The following NUP93 variants were observed in gnomAD, a reference collection of about 807,000 sequenced individuals.
NUP93 encodes the protein nuclear pore complex protein Nup93.
NUP93 carries 55 observed loss-of-function variants against 107.8 expected under a neutral mutation model. The ratio of observed to expected loss-of-function variants is 0.51; its 90% CI spans 0.41 to 0.64. The LOEUF (loss-of-function observed/expected upper bound fraction) is 0.64. Ranked by LOEUF, NUP93 falls within the 30% of genes least tolerant of loss-of-function variation. The pLI is 0.00. For missense variants in NUP93, 937 were observed against 1,044.7 expected (o/e 0.90, Z 1.42); for synonymous variants, 390 against 397.5 (o/e 0.98, Z 0.22).
intron 3 of NUP93, among the ~76,000 whole-genome samples, chr16:56,785,986 A>G (rs1955234125): frequency 6.6e-6 from 1 of 152,226 alleles, no homozygotes; most frequent in African/African-American, 2.4e-5. Context: ...GAATTTTTAG[A>G]AAACAAAAGA....
rs199675794 is a variant in NUP93 at position 56,823,985 on chromosome 16, A to G, written c.794+139A>G. ...TTATGTTAAATTGAACAAGGTTCAG[A>G]GTTGTAATCCTGTTTCAGAAATCCT... is the stretch of plus-strand genomic sequence containing the variant. On this transcript the variant is annotated intron_variant, in intron 8 of 21. Transcript: ENST00000308159. The G allele has an allele frequency of 4.1e-5, 47 of 1,132,988 alleles. No individual in the cohort carries two copies. The East Asian group carries it at 1.2e-3, about 28-fold the overall frequency. The allele number at this position is 1,132,988 out of a possible 1,614,324, so 70.2% of individuals were successfully genotyped here.
chr16:56,781,393 T>C (rs538065242), intron 3 of NUP93, among the ~76,000 whole-genome samples: 1 of 152,334 alleles, frequency 6.6e-6, no homozygotes, highest in South Asian at 2.1e-4. Flanking sequence ...GACAGTACAA[T>C]TGACAAGGGC....
chr16:56,782,044 C>T, intron 3 of NUP93: 5 of 985,046 alleles, frequency 5.1e-6, no homozygotes, highest in Non-Finnish European at 6.0e-6. Flanking sequence ...CTCTCTTTTT[C>T]TCTTCTCTCT....
chr16:56,793,850 C>A (rs879723086), intron 3 of NUP93, among the ~76,000 whole-genome samples: 1 of 151,970 alleles, frequency 6.6e-6, no homozygotes, highest in Non-Finnish European at 1.5e-5. Flanking sequence ...GTCAGGAGTT[C>A]GCGACCAGCC....
chr16:56,738,016 A>G (rs1179577621), intron 1 of NUP93, among the ~76,000 whole-genome samples: 1 of 152,254 alleles, frequency 6.6e-6, no homozygotes, highest in East Asian at 1.9e-4. Context: ...TAGTTGTAAG[A>G]CAGAACTAGT....
chr16:56,811,875 A>G (rs1238009360), intron 5 of NUP93, among the ~76,000 whole-genome samples: 1 of 152,188 alleles, frequency 6.6e-6, no homozygotes, highest in Non-Finnish European at 1.5e-5. Flanking sequence ...ATATTCTAGC[A>G]TTCTTTGTGC....
At chr16:56,771,902 C>G (rs1415950562) in intron 3 of NUP93, among the ~76,000 whole-genome samples, 1 of 152,152 alleles carries the variant, frequency 6.6e-6, no homozygotes, top group Non-Finnish European at 1.5e-5. Context: ...GAAGGAATGT[C>G]AGGGGTTTTA....
At chr16:56,808,780 ATATATAAATATG>A (rs1482429830) in intron 5 of NUP93, among the ~76,000 whole-genome samples, 1 of 145,312 alleles carries the variant, frequency 6.9e-6, no homozygotes, top group African/African-American at 2.5e-5. Flanking sequence ...ATATAAATAC[ATATATAAATATG>A]TATATAAATA....
intron 5 of NUP93, among the ~76,000 whole-genome samples, chr16:56,815,981 G>T (rs984272869): frequency 1.3e-5 from 2 of 151,736 alleles, no homozygotes; most frequent in African/African-American, 4.8e-5. Flanking sequence ...GTTCTGTGAT[G>T]AATGTTTTTG....
At chr16:56,811,581 G>A (rs747720802) in intron 5 of NUP93, among the ~76,000 whole-genome samples, 3 of 151,514 alleles carry the variant, frequency 2.0e-5, no homozygotes, top group East Asian at 3.9e-4. Context: ...CGTGATTCTC[G>A]TGCCTCAGCC....
intron 1 of NUP93, among the ~76,000 whole-genome samples, chr16:56,735,153 A>C (rs1961591687): frequency 6.6e-6 from 1 of 152,236 alleles, no homozygotes; most frequent in African/African-American, 2.4e-5. Context: ...GTATTGAGGA[A>C]GACCATTTGG....
chr16:56,821,496 C>A lies in NUP93; in HGVS notation c.565-8C>A, dbSNP rs774959352. The A allele has an allele frequency of 1.3e-6, 2 of 1,581,612 alleles. No individual in the cohort carries two copies. The highest frequency in any genetic ancestry group is 2.7e-5 in the African/African-American group (2 of 74,166). Reference sequence around the variant, plus strand: ...CTTTGCCATTTACTTTGCTTTTTATCATTTCAGATTTATATCTATAATGAG... The same window carrying A: ...CTTTGCCATTTACTTTGCTTTTTATAATTTCAGATTTATATCTATAATGAG... On this transcript the variant is annotated splice_polypyrimidine_tract_variant and splice_region_variant and intron_variant, in intron 6 of 21. Transcript: ENST00000308159.
chr16:56,817,698 G>A (rs1475714414), intron 5 of NUP93, among the ~76,000 whole-genome samples: 2 of 152,076 alleles, frequency 1.3e-5, no homozygotes, highest in African/African-American at 4.8e-5. Flanking sequence ...ATATGTGATG[G>A]TGGCTGGCTT....
At chr16:56,837,136 G>A (rs542801223) in intron 17 of NUP93, among the ~76,000 whole-genome samples, 4 of 152,340 alleles carry the variant, frequency 2.6e-5, no homozygotes, top group East Asian at 1.9e-4. Context: ...TTAGCTGGGC[G>A]TTTTGAGAGG....
chr16:56,739,565 G>A (rs1341122533), intron 1 of NUP93, among the ~76,000 whole-genome samples: 161 of 61,596 alleles, frequency 2.6e-3, no homozygotes, highest in East Asian at 4.4e-3. Flanking sequence ...GCGGCTGGCC[G>A]GGCGGGGGGC....
At chr16:56,818,794 G>A in intron 6 of NUP93, 56 bp downstream of exon 6, 1 of 1,431,872 alleles carries the variant, frequency 7.0e-7, no homozygotes, top group South Asian at 1.2e-5. Context: ...AACCTCTAGG[G>A]AGTAAAAGGA....
At chr16:56,753,120 C>A (rs1961954402) in intron 2 of NUP93, among the ~76,000 whole-genome samples, 1 of 152,104 alleles carries the variant, frequency 6.6e-6, no homozygotes, top group Admixed American at 6.6e-5. Flanking sequence ...TACTAGAGAA[C>A]CAACTCATTA....
intron 3 of NUP93, among the ~76,000 whole-genome samples, chr16:56,764,791 A>G (rs1962189060): frequency 1.3e-5 from 2 of 152,232 alleles, no homozygotes; most frequent in South Asian, 4.1e-4. Context: ...TATTGAAGGA[A>G]AAGTGCAGTA....
Position 56,823,762 on chromosome 16 carries a change from C to T in NUP93, c.710C>T (p.Pro237Leu), listed in dbSNP as rs144804729. The T allele has an allele frequency of 6.2e-6, 10 of 1,614,002 alleles. No individual in the cohort carries two copies. The highest frequency in any genetic ancestry group is 5.3e-5 in the African/African-American group (4 of 74,920). Reference protein sequence around the residue: ...VKQMTDVLLTPATDALKNRSS... With the variant: ...VKQMTDVLLTLATDALKNRSS... The stretch of plus-strand genomic sequence containing the variant: ...CAAATGACAGACGTGTTGTTGACAC[C>T]GGCAACGGATGCCCTGAAGAACCGC... Residue 237 changes from proline to leucine, a missense_variant, in exon 8 of 22, where the codon CCG becomes CTG. Pro to Leu is a moderately conservative substitution (Grantham distance 98, BLOSUM62 -3). Transcript: ENST00000308159.
Sources: gnomAD v4.1 joint callset for allele counts (sites outside exome capture counted in the v4.1 genomes callset) on GRCh38, gnomAD v4.1.1 for gene constraint, MANE v1.5 for transcripts, NCBI Gene and HGNC (gene_info 2026-07-23, HGNC 2026-07-21) for gene names.